Variants in PRKCB observed in about 807,000 individuals in gnomAD.
PRKCB encodes protein kinase C beta.
PRKCB carries 13 observed loss-of-function variants against 81.5 expected under a neutral mutation model. The ratio of observed to expected loss-of-function variants is 0.16; its 90% CI spans 0.10 to 0.25. PRKCB has a LOEUF of 0.25. PRKCB is among the 10% of genes least tolerant of loss of function. PRKCB has a pLI of 1.00. For missense variants in PRKCB, 509 were observed against 875.7 expected (o/e 0.58, Z 5.29); for synonymous variants, 335 against 321.4 (o/e 1.04, Z -0.45).
chr16:24,139,286 A>C (rs1567389005), intron 9 of PRKCB, among the ~76,000 whole-genome samples: 1 of 152,202 alleles, frequency 6.6e-6, no homozygotes, highest in Non-Finnish European at 1.5e-5. Flanking sequence ...CTATTGGTAA[A>C]AATCAATTCT....
chr16:24,097,130 G>C (rs1966456452), intron 7 of PRKCB, among the ~76,000 whole-genome samples: 1 of 149,340 alleles, frequency 6.7e-6, no homozygotes, highest in Non-Finnish European at 1.5e-5. Flanking sequence ...TCTGCCTCCT[G>C]GGTTCAAGCA....
intron 9 of PRKCB, chr16:24,151,843 C>G (rs1967084012): frequency 2.2e-6 from 1 of 455,922 alleles, no homozygotes. Flanking sequence ...GTGTGTTTAT[C>G]TACGAAATGG....
chr16:24,102,286 T>C (rs1966519001), intron 7 of PRKCB, among the ~76,000 whole-genome samples: 1 of 152,218 alleles, frequency 6.6e-6, no homozygotes, highest in Non-Finnish European at 1.5e-5. Context: ...AAGGGAACTT[T>C]TCCAAAATAA....
chr16:24,013,904 C>G lies in PRKCB; in HGVS notation c.289-18232C>G, dbSNP rs527694070. On this transcript the variant is annotated intron_variant, in intron 3 of 16. Transcript: ENST00000643927. ...CATTGTTTCTAGCGGTCATGAGGAT[C>G]AGAGCCTGCCTGGACTTGCTGTGTG... 2.6e-5 allele frequency among the ~76,000 whole-genome samples: 4 copies of G among 152,208 alleles called. No individual in the cohort carries two copies. In the South Asian group the frequency reaches 8.3e-4, roughly 32 times the overall value.
Position 24,055,034 on chromosome 16 carries a change from A to G in PRKCB, c.529+19487A>G, listed in dbSNP as rs138204927. Among the ~76,000 whole-genome samples, 626 of 152,318 alleles carry G rather than the reference A, an allele frequency of 4.1e-3. 1 individual carries two copies. The highest frequency in any genetic ancestry group is 0.014 in the African/African-American group (581 of 41,574). The stretch of plus-strand genomic sequence containing the variant: ...TGGCAGCCTCTCTCTTTAGCTCATG[A>G]CAATTTCTCCAAGTGTAAGCTGGGG... On this transcript the variant is annotated intron_variant, in intron 5 of 16. Transcript: ENST00000643927.
In PRKCB at chr16:23,836,122, G is replaced by A. The variant is rs1237825568; in HGVS notation, c.-54G>A. The stretch of plus-strand genomic sequence containing the variant: ...CGCGCCTCCCCGGCCCGCAGCCCGC[G>A]GTCCCGCGGCCCCGGGGCCGGCACC... On this transcript the variant is annotated 5_prime_UTR_variant, in exon 1 of 17. Coordinates refer to ENST00000643927, the MANE Select transcript of PRKCB (RefSeq NM_002738.7). The A allele has an allele frequency of 7.6e-6, 9 of 1,181,938 alleles. No homozygotes were observed. Among genetic ancestry groups the A allele is most frequent in the Non-Finnish European group, 5.3e-6 (5 of 948,388 alleles). 73.2% of individuals were successfully genotyped at this position (1,181,938 alleles called of 1,614,324 possible).
In PRKCB at chr16:23,956,979, T is replaced by TAAAAA. The variant is rs10714409; in HGVS notation, c.206-31506_206-31502dup. Reference sequence around the variant, plus strand: ...TACAGGTGGAGTAAGCTATAGGCAGTAAAAAAAAAAAAAAAAAAAAAAAAA... The same window carrying TAAAAA: ...TACAGGTGGAGTAAGCTATAGGCAGTAAAAAAAAAAAAAAAAAAAAAAAAAAAAAA... On this transcript the variant is annotated intron_variant, in intron 2 of 16. Transcript: ENST00000643927. 5.7e-3 allele frequency among the ~76,000 whole-genome samples: 263 copies of TAAAAA among 45,980 alleles called. 28 individuals carry two copies. The highest frequency in any genetic ancestry group is 0.022 in the African/African-American group (248 of 11,204). 30.2% of individuals were successfully genotyped at this position (45,980 alleles called of 152,430 possible). A position where few individuals can be genotyped will look rare whatever the true frequency, so the allele number is the denominator to read the frequency against.
At chr16:24,104,828 G>A (rs1465811430) in intron 7 of PRKCB, among the ~76,000 whole-genome samples, 1 of 152,166 alleles carries the variant, frequency 6.6e-6, no homozygotes, top group Non-Finnish European at 1.5e-5. Flanking sequence ...TTAGGTCTTG[G>A]AGGATATGGG....
intron 8 of PRKCB, among the ~76,000 whole-genome samples, chr16:24,122,389 A>G (rs73548444): frequency 0.043 from 6,429 of 149,232 alleles, 445 homozygotes; most frequent in African/African-American, 0.15. Flanking sequence ...GAATGTTATG[A>G]CTTAACTGAT....
intron 2 of PRKCB, among the ~76,000 whole-genome samples, chr16:23,935,651 T>C (rs940357373): frequency 2.0e-5 from 3 of 152,242 alleles, no homozygotes; most frequent in African/African-American, 4.8e-5. Context: ...AACAAAGATA[T>C]GGAATCAACC....
intron 2 of PRKCB, among the ~76,000 whole-genome samples, chr16:23,934,162 C>T (rs1964025096): frequency 6.6e-6 from 1 of 152,108 alleles, no homozygotes; most frequent in South Asian, 2.1e-4. Context: ...AATGCTTTTC[C>T]TTCTTCAGTT....
chr16:23,944,480 T>C (rs1964179748), intron 2 of PRKCB, among the ~76,000 whole-genome samples: 2 of 152,320 alleles, frequency 1.3e-5, no homozygotes, highest in African/African-American at 2.4e-5. Flanking sequence ...CAAAGTCAAA[T>C]GTTAGGGCAT....
chr16:24,005,793 G>A (rs1481697404), intron 3 of PRKCB, among the ~76,000 whole-genome samples: 1 of 152,190 alleles, frequency 6.6e-6, no homozygotes, highest in African/African-American at 2.4e-5. Flanking sequence ...TCCTCTTGGT[G>A]TCATCCGGTC....
chr16:24,085,347 A>C (rs73546471), intron 5 of PRKCB, among the ~76,000 whole-genome samples: 1,699 of 152,312 alleles, frequency 0.011, 37 homozygotes, highest in African/African-American at 0.038. Flanking sequence ...ATTCATTTGT[A>C]TGAAAATCAC....
At chr16:23,970,687 G>A (rs555828185) in intron 2 of PRKCB, among the ~76,000 whole-genome samples, 1 of 152,316 alleles carries the variant, frequency 6.6e-6, no homozygotes, top group East Asian at 1.9e-4. Context: ...CACTTTCAGG[G>A]TTGTTGAGAG....
chr16:23,952,168 G>T (rs954550908), intron 2 of PRKCB, among the ~76,000 whole-genome samples: 3 of 152,148 alleles, frequency 2.0e-5, no homozygotes, highest in South Asian at 2.1e-4. Context: ...CAGAGATGGG[G>T]TCTGCTGCAG....
intron 2 of PRKCB, among the ~76,000 whole-genome samples, chr16:23,845,572 G>C (rs1962353557): frequency 6.6e-6 from 1 of 152,176 alleles, no homozygotes; most frequent in Non-Finnish European, 1.5e-5. Flanking sequence ...CTTGAGGCCA[G>C]GAGTTCGAGA....
At position 24,217,611 on chromosome 16, in the gene PRKCB, G is replaced by A. The variant is rs1365311536; in HGVS notation, c.*2795G>A. ...CACAGGACAAAGTCCATAAAAGCAAGTCCTGTCTGGACCATGTGGTTATCT... is the reference window on the plus strand; with the variant it reads ...CACAGGACAAAGTCCATAAAAGCAAATCCTGTCTGGACCATGTGGTTATCT... On this transcript the variant is annotated 3_prime_UTR_variant, in exon 17 of 17. Coordinates refer to ENST00000643927, the MANE Select transcript of PRKCB (RefSeq NM_002738.7). 4.1e-6 allele frequency: 4 copies of A among 985,330 alleles called. No individual in the cohort carries two copies. Among genetic ancestry groups the A allele is most frequent in the African/African-American group, 1.7e-5 (1 of 57,224 alleles). The allele number at this position is 985,330 out of a possible 1,614,324, so 61.0% of individuals were successfully genotyped here. A position where few individuals can be genotyped will look rare whatever the true frequency, so the allele number is the denominator to read the frequency against.
intron 7 of PRKCB, among the ~76,000 whole-genome samples, chr16:24,106,323 T>G (rs755194735): frequency 2.0e-5 from 3 of 152,204 alleles, no homozygotes; most frequent in Non-Finnish European, 4.4e-5. Flanking sequence ...GTCTGCTAAA[T>G]AGCACTCAGT....
Sources: allele counts gnomAD v4.1 joint callset (sites outside exome capture counted in the v4.1 genomes callset), GRCh38; gene constraint gnomAD v4.1.1; transcripts MANE v1.5; gene names NCBI Gene and HGNC (gene_info 2026-07-23, HGNC 2026-07-21).